The following DENND1B variants were observed in gnomAD, a reference collection of about 807,000 sequenced individuals.
DENND1B encodes the protein DENN domain containing 1B, also known as DENN domain-containing protein 1B.
Under a neutral mutation model 90.1 loss-of-function variants are expected in DENND1B, and 59 were observed. That is an observed-to-expected ratio of 0.65 (90% CI 0.53 to 0.81). The LOEUF (loss-of-function observed/expected upper bound fraction) is 0.81. DENND1B is among the 40% of genes least tolerant of loss of function. The pLI is 0.00. For missense variants in DENND1B, 862 were observed against 912.6 expected, an observed-to-expected ratio of 0.94 and a Z score of 0.71; for synonymous variants, 337 against 324.6, an observed-to-expected ratio of 1.04 and a Z score of -0.41.
At chr1:197,727,004 T>C (rs1470488751) in intron 2 of DENND1B, among the ~76,000 whole-genome samples, 1 of 152,240 alleles carries the variant, frequency 6.6e-6, no homozygotes, top group African/African-American at 2.4e-5. Flanking sequence ...GAATATTTTA[T>C]TCTGTTTCTA....
At chr1:197,616,048 A>G (rs1402539077) in intron 11 of DENND1B, among the ~76,000 whole-genome samples, 3 of 151,008 alleles carry the variant, frequency 2.0e-5, no homozygotes, top group South Asian at 2.1e-4. Context: ...GAAAGTCTTA[A>G]ATGTGTAATT....
chr1:197,642,708 T>C lies in DENND1B; in HGVS notation c.672+3A>G. The C allele has an allele frequency of 6.2e-7, 1 of 1,605,336 alleles. No individual in the cohort carries two copies. Among genetic ancestry groups the C allele is most frequent in the Non-Finnish European group, 8.5e-7 (1 of 1,173,570 alleles). ...CTACTTAAAAGAAGTGTGAAGTACT[T>C]ACAGTGCTTAATTTGCTCGAGATAA... On this transcript the variant is annotated splice_donor_region_variant and intron_variant, in intron 10 of 22. Transcript: ENST00000620048.
intron 2 of DENND1B, among the ~76,000 whole-genome samples, chr1:197,755,909 C>G (rs1219990310): frequency 2.6e-5 from 4 of 152,164 alleles, no homozygotes; most frequent in African/African-American, 9.7e-5. Context: ...CCCAGCGGGT[C>G]CCTCCCACAA....
chr1:197,734,973 CTG>C, intron 2 of DENND1B: 5 of 985,236 alleles, frequency 5.1e-6, no homozygotes, highest in Non-Finnish European at 4.8e-6. Context: ...ATTAAAGACT[CTG>C]GAACACAGTG....
Position 197,508,219 on chromosome 1 carries a change from A to G in DENND1B, c.*2241T>C, listed in dbSNP as rs1187314864. ...AAAACCATACCTCATTTCAAAATTC[A>G]TATTAAAATGCTGATTTGCATTCTT... On this transcript the variant is annotated 3_prime_UTR_variant, in exon 23 of 23. Coordinates refer to ENST00000620048, the MANE Select transcript of DENND1B (RefSeq NM_001195215.2). 1 of 151,676 alleles carries G rather than the reference A, an allele frequency of 6.6e-6. No homozygotes were observed. The highest frequency in any genetic ancestry group is 1.5e-5 in the Non-Finnish European group (1 of 67,768). 9.4% of individuals were successfully genotyped at this position (151,676 alleles called of 1,614,324 possible). A position where few individuals can be genotyped will look rare whatever the true frequency, so the allele number is the denominator to read the frequency against.
chr1:197,571,279 T>C (rs1673130286), intron 15 of DENND1B, among the ~76,000 whole-genome samples: 1 of 152,228 alleles, frequency 6.6e-6, no homozygotes, highest in South Asian at 2.1e-4. Context: ...AGCATACTGT[T>C]CCATTTAGAA....
chr1:197,582,054 A>AT (rs1280743103), intron 15 of DENND1B, among the ~76,000 whole-genome samples: 2 of 152,112 alleles, frequency 1.3e-5, no homozygotes, highest in African/African-American at 2.4e-5. Flanking sequence ...AGCCCACTCT[A>AT]TTTTTTGGAA....
intron 16 of DENND1B, among the ~76,000 whole-genome samples, chr1:197,550,932 CTAT>C (rs371765836): frequency 1.3e-5 from 2 of 151,842 alleles, no homozygotes; most frequent in African/African-American, 4.8e-5. Context: ...TATTATATTA[CTAT>C]TATTATGAGA....
rs374834148 is a variant in DENND1B, at chr1:197,523,646, T to C, written c.1516-10693A>G. Among the ~76,000 whole-genome samples, 12 of 152,282 alleles carry C rather than the reference T, an allele frequency of 7.9e-5. No individual in the cohort carries two copies. In the East Asian group the frequency reaches 1.4e-3, roughly 17 times the overall value. ...TTCCAGTACCTTCTTTAGAAGACTC[T>C]ACTCTAAGCACAAGATAATAGCAGC... On this transcript the variant is annotated intron_variant, in intron 20 of 22. Coordinates refer to ENST00000620048, the MANE Select transcript of DENND1B (RefSeq NM_001195215.2).
chr1:197,720,136 A>G (rs1661022295), intron 2 of DENND1B, among the ~76,000 whole-genome samples: 1 of 152,086 alleles, frequency 6.6e-6, no homozygotes, highest in Admixed American at 6.6e-5. Flanking sequence ...ACCTTTTTTG[A>G]CGTGTGCTAT....
At chr1:197,775,016 C>T in intron 1 of DENND1B, 123 bp downstream of exon 1, 1 of 608,678 alleles carries the variant, frequency 1.6e-6, no homozygotes, top group Non-Finnish European at 2.3e-6. Flanking sequence ...ACCCCCAGCC[C>T]GCCCGGCCAA....
At chr1:197,554,691 T>A (rs946956034) in intron 15 of DENND1B, among the ~76,000 whole-genome samples, 5 of 150,926 alleles carry the variant, frequency 3.3e-5, no homozygotes, top group African/African-American at 9.7e-5. Context: ...ATACAAAAAA[T>A]ATTAGCTGGA....
chr1:197,624,542 T>A (rs1249752125), intron 10 of DENND1B, among the ~76,000 whole-genome samples: 5 of 151,638 alleles, frequency 3.3e-5, no homozygotes, highest in Non-Finnish European at 7.4e-5. Context: ...ACCAAAGTCA[T>A]GAACCATGAA....
intron 2 of DENND1B, chr1:197,734,407 G>A (rs1214796695): frequency 3.0e-6 from 3 of 984,886 alleles, no homozygotes; most frequent in Non-Finnish European, 3.6e-6. Flanking sequence ...GACTGCTGCA[G>A]TTTATGAAAT....
Position 197,647,060 on chromosome 1 carries a change from C to T in DENND1B, c.502G>A (p.Val168Ile). ...EQVLKDQPAL[V>I]PHSYFIAPDV... ...CCAATGTCCTTTTAACTCACCGGTA[C>T]TAGAGCAGGCTGATCTTTCAGAACT... Residue 168 changes from valine (V) to isoleucine (I), a missense_variant, in exon 8 of 23, where the codon GTA (valine) becomes ATA (isoleucine). Physicochemically the swap from Val to Ile is conservative, Grantham distance 29. Coordinates refer to ENST00000620048, the MANE Select transcript of DENND1B (RefSeq NM_001195215.2). The T allele has an allele frequency of 6.8e-7, 1 of 1,466,784 alleles. No individual in the cohort carries two copies. The highest frequency in any genetic ancestry group is 9.0e-7 in the Non-Finnish European group (1 of 1,116,950). The allele number at this position is 1,466,784 out of a possible 1,614,324, so 90.9% of individuals were successfully genotyped here. A position where few individuals can be genotyped will look rare whatever the true frequency, so the allele number is the denominator to read the frequency against.
chr1:197,525,985 A>G (rs1282221193), intron 20 of DENND1B, among the ~76,000 whole-genome samples: 1 of 152,138 alleles, frequency 6.6e-6, no homozygotes, highest in Non-Finnish European at 1.5e-5. Context: ...GAGAAGGTTG[A>G]AAAACATAGT....
intron 15 of DENND1B, among the ~76,000 whole-genome samples, chr1:197,571,219 T>TTACAAAA (rs71286565): frequency 0.16 from 23,732 of 151,990 alleles, 2,099 homozygotes; most frequent in Non-Finnish European, 0.19. Context: ...TGGGCAACCT[T>TTACAAAA]TACAAAATAC....
intron 13 of DENND1B, among the ~76,000 whole-genome samples, chr1:197,597,863 G>C (rs1675849258): frequency 6.6e-6 from 1 of 151,722 alleles, no homozygotes; most frequent in South Asian, 2.1e-4. Flanking sequence ...TCTCAACTGA[G>C]ATTTGCCGTA....
At chr1:197,778,963 A>T (rs558969183), upstream of DENND1B, among the ~76,000 whole-genome samples, 15 of 152,298 alleles carry the variant, frequency 9.8e-5, no homozygotes, top group South Asian at 3.1e-3. Flanking sequence ...CTCAAACAAT[A>T]CAAGAACCTC....
Sources: gnomAD v4.1 joint callset for allele counts (sites outside exome capture counted in the v4.1 genomes callset) on GRCh38, gnomAD v4.1.1 for gene constraint, MANE v1.5 for transcripts, NCBI Gene and HGNC (gene_info 2026-07-23, HGNC 2026-07-21) for gene names.